The following ATP8B4 variants were observed in gnomAD, a reference collection of about 807,000 sequenced individuals.
The protein encoded by ATP8B4 is probable phospholipid-transporting ATPase IM.
ATP8B4 carries 133 observed loss-of-function variants against 145.6 expected under a neutral mutation model. The observed-to-expected ratio is 0.91, with a 90% CI of 0.79 to 1.05. ATP8B4 has a LOEUF of 1.05. Ranked by LOEUF, ATP8B4 falls within the 50% of genes least tolerant of loss-of-function variation. The pLI, the probability that ATP8B4 is intolerant of heterozygous loss-of-function variation, is 0.00. For missense variants in ATP8B4, 1,458 were observed against 1,425.2 expected, an observed-to-expected ratio of 1.02 and a Z score of -0.37; for synonymous variants, 507 against 492.9, an observed-to-expected ratio of 1.03 and a Z score of -0.38.
chr15:49,996,872 A>T, intron 8 of ATP8B4, 113 bp from the exon 9 acceptor site: 1 of 725,310 alleles, frequency 1.4e-6, no homozygotes, highest in South Asian at 1.9e-5. Flanking sequence ...AGATCCAAGA[A>T]ACTCTCCTTT....
In ATP8B4 at chr15:49,862,480, G is replaced by A. The variant is rs1428801517; in HGVS notation, c.3167-105C>T. The A allele has an allele frequency of 4.2e-5, 52 of 1,249,460 alleles. No homozygotes were observed. In the Admixed American group the frequency reaches 1.2e-3, roughly 28 times the overall value. The allele number at this position is 1,249,460 out of a possible 1,614,324, so 77.4% of individuals were successfully genotyped here. ...AGATCTTTTTTTTTTTTGAGATGGA[G>A]TCTTGCTCTGTCTTCCAGGCTGGTG... On this transcript the variant is annotated intron_variant, in intron 26 of 27. Transcript: ENST00000284509.
intron 25 of ATP8B4, among the ~76,000 whole-genome samples, chr15:49,873,275 C>T (rs2033916429): frequency 6.6e-6 from 1 of 152,126 alleles, no homozygotes; most frequent in East Asian, 1.9e-4. Flanking sequence ...CCCAGAATTC[C>T]CACCTTTAAG....
intron 1 of ATP8B4, among the ~76,000 whole-genome samples, chr15:50,173,045 T>C (rs1385567076): frequency 8.4e-6 from 1 of 118,844 alleles, no homozygotes; most frequent in Non-Finnish European, 1.7e-5. Flanking sequence ...GGGGGCAGCC[T>C]CCGCCCGGCC....
chr15:49,976,992 C>T (rs2045723574), intron 12 of ATP8B4, among the ~76,000 whole-genome samples: 2 of 152,080 alleles, frequency 1.3e-5, no homozygotes, highest in African/African-American at 2.4e-5. Context: ...AAAACAATGG[C>T]TGCATTTCTT....
At chr15:50,121,513 C>T (rs1163187408), upstream of ATP8B4, among the ~76,000 whole-genome samples, 1 of 152,058 alleles carries the variant, frequency 6.6e-6, no homozygotes, top group African/African-American at 2.4e-5. Context: ...ATACCTAGCA[C>T]AACTTTTTCA....
chr15:49,909,238 G>A (rs1287277425), intron 20 of ATP8B4, among the ~76,000 whole-genome samples: 2 of 151,914 alleles, frequency 1.3e-5, no homozygotes, highest in Admixed American at 6.6e-5. Context: ...CCACCATCAT[G>A]ACCACTCCTC....
At chr15:49,877,711 G>A (rs1366607542) in intron 24 of ATP8B4, among the ~76,000 whole-genome samples, 1 of 152,034 alleles carries the variant, frequency 6.6e-6, no homozygotes, top group Non-Finnish European at 1.5e-5. Flanking sequence ...CTCATGCCCA[G>A]AAATGCAAAC....
intron 5 of ATP8B4, among the ~76,000 whole-genome samples, chr15:50,042,880 G>C (rs2051410282): frequency 6.6e-6 from 1 of 152,068 alleles, no homozygotes; most frequent in African/African-American, 2.4e-5. Flanking sequence ...AGTAGGGAGA[G>C]AAAAATAGAA....
chr15:50,106,401 A>G (rs1490788520), intron 2 of ATP8B4, among the ~76,000 whole-genome samples: 1 of 152,240 alleles, frequency 6.6e-6, no homozygotes, highest in Admixed American at 6.5e-5. Context: ...ACTATTAATT[A>G]CTCAACCAAA....
chr15:50,013,559 G>A (rs936683407), intron 6 of ATP8B4, among the ~76,000 whole-genome samples: 3 of 151,716 alleles, frequency 2.0e-5, no homozygotes, highest in African/African-American at 4.8e-5. Context: ...CTTAGAATCC[G>A]TTTTTTTAAA....
intron 4 of ATP8B4, among the ~76,000 whole-genome samples, chr15:50,045,194 A>C (rs914069622): frequency 2.6e-5 from 4 of 152,216 alleles, no homozygotes; most frequent in Non-Finnish European, 5.9e-5. Flanking sequence ...TTTGTATTCC[A>C]CATAAATAGT....
intron 1 of ATP8B4, among the ~76,000 whole-genome samples, chr15:50,173,095 G>A (rs2044710041): frequency 6.7e-6 from 1 of 148,172 alleles, no homozygotes; most frequent in Non-Finnish European, 1.5e-5. Flanking sequence ...CCCCCGCCCA[G>A]CCGCCGCCCC....
intron 25 of ATP8B4, among the ~76,000 whole-genome samples, chr15:49,867,074 G>A (rs2032921482): frequency 6.6e-6 from 1 of 152,182 alleles, no homozygotes; most frequent in Admixed American, 6.5e-5. Context: ...ATGGTCACGA[G>A]CTCTTCTTCC....
chr15:49,917,022 C>T lies in ATP8B4; in HGVS notation c.2053G>A (p.Gly685Ser), dbSNP rs754592023. Reference protein sequence around the residue: ...GDKQETAINIGYACNMLTDDM... With the variant: ...GDKQETAINISYACNMLTDDM... ...TCAGTCAGCATGTTGCAGGCATAAC[C>T]GATGTTGATGGCAGTTTCTAACACA... The change falls in exon 20 of 28, where the codon GGT (glycine) becomes AGT (serine). Residue 685 changes from glycine to serine, a missense_variant. Coordinates refer to ENST00000284509, the MANE Select transcript of ATP8B4 (RefSeq NM_024837.4). The T allele has an allele frequency of 7.4e-6, 12 of 1,613,762 alleles. No individual in the cohort carries two copies. Among genetic ancestry groups the T allele is most frequent in the East Asian group, 2.2e-5 (1 of 44,884 alleles).
At chr15:50,147,260 A>G (rs1401612816) in intron 1 of ATP8B4, among the ~76,000 whole-genome samples, 2 of 151,932 alleles carry the variant, frequency 1.3e-5, no homozygotes, top group East Asian at 1.9e-4. Context: ...TACTACAATT[A>G]CAAGAATTAG....
chr15:50,106,253 G>A (rs898568053), intron 2 of ATP8B4, among the ~76,000 whole-genome samples: 2 of 152,094 alleles, frequency 1.3e-5, no homozygotes, highest in African/African-American at 4.8e-5. Context: ...ATAATAGGTT[G>A]GACACACGTC....
intron 13 of ATP8B4, among the ~76,000 whole-genome samples, chr15:49,966,332 T>A (rs1452151702): frequency 2.0e-5 from 3 of 152,158 alleles, no homozygotes; most frequent in Admixed American, 1.3e-4. Flanking sequence ...ACTCAGCAGA[T>A]CCCACCCCCA....
At chr15:50,138,913 T>C (rs1019985262) in intron 1 of ATP8B4, among the ~76,000 whole-genome samples, 4 of 152,150 alleles carry the variant, frequency 2.6e-5, no homozygotes, top group African/African-American at 9.7e-5. Flanking sequence ...ATTGTGTGAA[T>C]AGATAAGGTA....
chr15:49,936,627 T>C (rs1216366485), intron 14 of ATP8B4, among the ~76,000 whole-genome samples: 2 of 152,176 alleles, frequency 1.3e-5, no homozygotes, highest in East Asian at 3.8e-4. Flanking sequence ...TGATCTTATT[T>C]CATTCATTGT....
Sources: allele counts gnomAD v4.1 joint callset (sites outside exome capture counted in the v4.1 genomes callset), GRCh38; gene constraint gnomAD v4.1.1; transcripts MANE v1.5; gene names NCBI Gene and HGNC (gene_info 2026-07-23, HGNC 2026-07-21).